The following CFAP46 variants were observed in gnomAD, a reference collection of about 807,000 sequenced individuals.
CFAP46 encodes the protein cilia and flagella associated protein 46.
Under a neutral mutation model 325.7 loss-of-function variants are expected in CFAP46, and 245 were observed. That is an observed-to-expected ratio of 0.75 (90% CI 0.68 to 0.84). The LOEUF (loss-of-function observed/expected upper bound fraction) is 0.84. CFAP46 is among the 40% of genes least tolerant of loss of function. The pLI is 0.00. For synonymous variants in CFAP46, 1,523 were observed against 1,495.9 expected, an observed-to-expected ratio of 1.02 and a Z score of -0.42; for missense variants, 3,346 against 3,543.0, an observed-to-expected ratio of 0.94 and a Z score of 1.41.
Position 132,847,124 on chromosome 10 carries a change from A to C in CFAP46, c.6088-13T>G, listed in dbSNP as rs1410723554. 4 of 1,607,794 alleles carry C rather than the reference A, an allele frequency of 2.5e-6. No homozygotes were observed. Among genetic ancestry groups the C allele is most frequent in the Non-Finnish European group, 3.4e-6 (4 of 1,177,504 alleles). ...GAACCATCCTCCTCTGTGGGGCACA[A>C]GGCTCAGGCTCAGGCCAGGCTCCGG... On this transcript the variant is annotated splice_polypyrimidine_tract_variant and intron_variant, in intron 42 of 57. Coordinates refer to ENST00000368586, the MANE Select transcript of CFAP46 (RefSeq NM_001200049.3). This position sits in a 1 kb window ranked among gnomAD's most constrained non-coding sequence, Gnocchi z 5.2.
chr10:132,857,719 G>T lies in CFAP46; in HGVS notation c.5445C>A (p.Ala1815=). The T allele has an allele frequency of 6.2e-7, 1 of 1,611,638 alleles. No individual in the cohort carries two copies. The highest frequency in any genetic ancestry group is 1.1e-5 in the South Asian group (1 of 90,520). The change falls in exon 39 of 58, where the codon GCC becomes GCA. Residue 1815 remains alanine (A), a synonymous_variant. Transcript: ENST00000368586. ...TAYYLEAYGL[A]QGAVAEEEGR... ...CTTCTTCCTCAGCTACGGCACCCTG[G>T]GCCAGGCCATACGCTTCCAAGTAAT...
chr10:132,869,253 G>T lies in CFAP46; in HGVS notation c.4610+21C>A. The stretch of plus-strand genomic sequence containing the variant: ...GGGCGAGACTCAAACCCCAGGCGGC[G>T]CAGGGTGGGACGGCACACACCTGGC... On this transcript the variant is annotated intron_variant, in intron 33 of 57. Transcript: ENST00000368586. The surrounding 1 kb of genome is among the most constrained non-coding windows in gnomAD (Gnocchi z 6.2). 1 of 1,502,586 alleles carries T rather than the reference G, an allele frequency of 6.7e-7. No individual in the cohort carries two copies. The highest frequency in any genetic ancestry group is 8.9e-7 in the Non-Finnish European group (1 of 1,120,178). The allele number at this position is 1,502,586 out of a possible 1,614,324, so 93.1% of individuals were successfully genotyped here. A position where few individuals can be genotyped will look rare whatever the true frequency, so the allele number is the denominator to read the frequency against.
intron 22 of CFAP46, among the ~76,000 whole-genome samples, chr10:132,908,124 T>C (rs548079404): frequency 2.2e-4 from 34 of 152,374 alleles, no homozygotes; most frequent in African/African-American, 8.2e-4. Context: ...ACGGGGCCAC[T>C]GCTGACTTGT....
intron 8 of CFAP46, 40 bp downstream of exon 8, chr10:132,934,712 G>A (rs1299499965): frequency 6.1e-6 from 8 of 1,308,656 alleles, no homozygotes; most frequent in Admixed American, 1.9e-5. Flanking sequence ...TTTGTACAAC[G>A]ATTATGAAGA....
Position 132,824,718 on chromosome 10 carries a change from T to TGCTGTGTGC in CFAP46, c.7117+8639_7117+8640insGCACACAGC, listed in dbSNP as rs1491562542. ...TGTGCGCTGATGTGTGCTGTGTGTGTACTGATGTGTGCTGTGTGTGTGCTG... is the reference window on the plus strand; with the variant it reads ...TGTGCGCTGATGTGTGCTGTGTGTGTGCTGTGTGCACTGATGTGTGCTGTGTGTGTGCTG... On this transcript the variant is annotated intron_variant, in intron 50 of 57. Transcript: ENST00000368586. Among the ~76,000 whole-genome samples the TGCTGTGTGC allele has an allele frequency of 2.0e-4, 7 of 35,652 alleles. 1 individual carries two copies. Among genetic ancestry groups the TGCTGTGTGC allele is most frequent in the African/African-American group, 1.2e-3 (7 of 6,022 alleles). The allele number at this position is 35,652 out of a possible 152,430, so 23.4% of individuals were successfully genotyped here.
chr10:132,940,762 C>A (rs1191931827), intron 4 of CFAP46, among the ~76,000 whole-genome samples: 2 of 152,208 alleles, frequency 1.3e-5, no homozygotes, highest in African/African-American at 4.8e-5. Context: ...CTCTTCACAG[C>A]CATCTAAAAT....
At chr10:132,912,514 T>TCTCTCTCTCTTCACCTCTCTCCTCTC in intron 19 of CFAP46, 141 bp downstream of exon 19, 1 of 645,706 alleles carries the variant, frequency 1.5e-6, no homozygotes, top group Non-Finnish European at 2.4e-6. Context: ...TCTCCTCTCC[T>TCTCTCTCTCTTCACCTCTCTCCTCTC]CTCTCTCTCT....
intron 40 of CFAP46, 41 bp from the exon 41 acceptor site, chr10:132,850,473 C>A (rs1430398292): frequency 1.3e-6 from 2 of 1,497,734 alleles, no homozygotes; most frequent in Non-Finnish European, 1.8e-6. Context: ...ACCCCAAGGG[C>A]AACCGCCCAC....
At position 132,863,617 on chromosome 10, in the gene CFAP46, T is replaced by A. The variant is rs570375736; in HGVS notation, c.4890+2408A>T. ...GACATGCACAAACCTGTCCCTGCTA[T>A]CAGAGACGTGCATACACTTGTCCCT... On this transcript the variant is annotated intron_variant, in intron 35 of 57. Coordinates refer to ENST00000368586, the MANE Select transcript of CFAP46 (RefSeq NM_001200049.3). Among the ~76,000 whole-genome samples the A allele has an allele frequency of 1.1e-4, 16 of 149,088 alleles. No homozygotes were observed. The East Asian group carries it at 3.2e-3, about 30-fold the overall frequency.
chr10:132,882,031 G>A (rs1295964879), intron 27 of CFAP46, among the ~76,000 whole-genome samples: 2 of 150,936 alleles, frequency 1.3e-5, no homozygotes, highest in South Asian at 4.2e-4. Flanking sequence ...GGGGTGTGTG[G>A]TGTGTGTGGG....
intron 38 of CFAP46, among the ~76,000 whole-genome samples, chr10:132,858,233 A>C (rs1175515932): frequency 7.1e-6 from 1 of 140,082 alleles, no homozygotes; most frequent in Non-Finnish European, 1.5e-5. Flanking sequence ...CGGGGGCCAT[A>C]GGTTGGGGGC....
At chr10:132,882,194 G>T (rs572219632) in intron 27 of CFAP46, among the ~76,000 whole-genome samples, 2 of 146,110 alleles carry the variant, frequency 1.4e-5, no homozygotes, top group Non-Finnish European at 3.1e-5. Context: ...GTGTGAGTGG[G>T]ATGTGGGGTA....
chr10:132,822,961 ATGTGTGCTG>A (rs1313567471), intron 50 of CFAP46, among the ~76,000 whole-genome samples: 3 of 82,202 alleles, frequency 3.6e-5, no homozygotes, highest in African/African-American at 1.4e-4. Flanking sequence ...GTGTGTGGTG[ATGTGTGCTG>A]TGTGTGCAGT....
chr10:132,919,510 C>T lies in CFAP46; in HGVS notation c.1731-68G>A, dbSNP rs1849688609. 2.0e-6 allele frequency: 3 copies of T among 1,491,780 alleles called. No homozygotes were observed. The East Asian group carries it at 7.5e-5, about 37-fold the overall frequency. The allele number at this position is 1,491,780 out of a possible 1,614,324, so 92.4% of individuals were successfully genotyped here. A position where few individuals can be genotyped will look rare whatever the true frequency, so the allele number is the denominator to read the frequency against. ...GTGTGGTTGCTGAAGTTAGAAAACA[C>T]CTGGGCTGGCTGCCTGAGAAAAGGC... On this transcript the variant is annotated intron_variant, in intron 14 of 57. Coordinates refer to ENST00000368586, the MANE Select transcript of CFAP46 (RefSeq NM_001200049.3). The surrounding 1 kb of genome is among the most constrained non-coding windows in gnomAD (Gnocchi z 9.7).
intron 22 of CFAP46, among the ~76,000 whole-genome samples, chr10:132,905,025 T>A (rs1391501458): frequency 6.6e-6 from 1 of 152,212 alleles, no homozygotes; most frequent in East Asian, 1.9e-4. Flanking sequence ...CCCTGGTGAC[T>A]CACCTTCCCG....
chr10:132,808,672 CGAGCTGG>C lies in CFAP46; in HGVS notation c.7890_7896del (p.Gln2631LeufsTer67), dbSNP rs1847513640. 2 of 1,581,628 alleles carry C rather than the reference CGAGCTGG, an allele frequency of 1.3e-6. No homozygotes were observed. The highest frequency in any genetic ancestry group is 1.3e-5 in the African/African-American group (1 of 74,156). On this transcript the variant is annotated frameshift_variant, in exon 58 of 58. Transcript: ENST00000368586. LOFTEE classifies it low-confidence loss of function (END_TRUNC). This position sits in a 1 kb window ranked among gnomAD's most constrained non-coding sequence, Gnocchi z 6.8. ...GGGGAGAGGCCCAGGAAGGGGAGAG[CGAGCTGG>C]GAGCTGGGGATGGGAGCCGGGAGGT...
At chr10:132,905,524 T>C (rs1849444846) in intron 22 of CFAP46, among the ~76,000 whole-genome samples, 1 of 151,376 alleles carries the variant, frequency 6.6e-6, no homozygotes, top group African/African-American at 2.4e-5. Flanking sequence ...AAAAATGGTG[T>C]ATGGGAAGTA....
Position 132,886,843 on chromosome 10 carries a change from C to A in CFAP46, c.3305-884G>T, listed in dbSNP as rs962677078. Among the ~76,000 whole-genome samples, 1 of 152,032 alleles carries A rather than the reference C, an allele frequency of 6.6e-6. No individual in the cohort carries two copies. Among genetic ancestry groups the A allele is most frequent in the Non-Finnish European group, 1.5e-5 (1 of 67,986 alleles). ...TCTGTGCCTTGTTGCTGCCCCCGAC[C>A]CAACACAGCCATGGCGACTAGAATG... On this transcript the variant is annotated intron_variant, in intron 25 of 57. Coordinates refer to ENST00000368586, the MANE Select transcript of CFAP46 (RefSeq NM_001200049.3). The surrounding 1 kb of genome is among the most constrained non-coding windows in gnomAD (Gnocchi z 5.8).
At chr10:132,881,809 T>C (rs1428854612) in intron 27 of CFAP46, among the ~76,000 whole-genome samples, 2 of 148,238 alleles carry the variant, frequency 1.3e-5, no homozygotes, top group African/African-American at 5.3e-5. Context: ...CGCCACTTCA[T>C]TTCTGCTGTC....
Sources: gnomAD v4.1 joint callset for allele counts (sites outside exome capture counted in the v4.1 genomes callset) on GRCh38, gnomAD v4.1.1 for gene constraint, Gnocchi (gnomAD v3.1) non-coding constraint, MANE v1.5 for transcripts, NCBI Gene and HGNC (gene_info 2026-07-23, HGNC 2026-07-21) for gene names.